Variants in GALNTL6 observed in about 807,000 individuals in gnomAD.
GALNTL6 encodes polypeptide N-acetylgalactosaminyltransferase like 6.
A neutral mutation model predicts 73.7 loss-of-function variants in GALNTL6; 46 were observed. The ratio of observed to expected loss-of-function variants is 0.62; its 90% CI spans 0.49 to 0.80. The LOEUF is 0.80. GALNTL6 is among the 30% of genes least tolerant of loss of function. GALNTL6 has a pLI of 0.00. For synonymous variants in GALNTL6, 259 were observed against 263.7 expected (o/e 0.98, Z 0.17); for missense variants, 604 against 755.0 (o/e 0.80, Z 2.34).
intron 5 of GALNTL6, among the ~76,000 whole-genome samples, chr4:172,364,674 C>T (rs1742492364): frequency 6.6e-6 from 1 of 152,106 alleles, no homozygotes; most frequent in Admixed American, 6.6e-5. Flanking sequence ...CTATTTGATC[C>T]ATTGTCATTT....
chr4:172,542,992 G>A (rs1056858850), intron 5 of GALNTL6, among the ~76,000 whole-genome samples: 1 of 152,114 alleles, frequency 6.6e-6, no homozygotes, highest in Non-Finnish European at 1.5e-5. Flanking sequence ...AGCTACTCGG[G>A]AGGCTGAGAC....
intron 9 of GALNTL6, among the ~76,000 whole-genome samples, chr4:172,943,445 CTG>C (rs1345447776): frequency 6.6e-6 from 1 of 152,192 alleles, no homozygotes; most frequent in Admixed American, 6.5e-5. Context: ...CCCACAGAAA[CTG>C]TGAAGGATAA....
chr4:172,248,587 A>G (rs985041558), intron 3 of GALNTL6, among the ~76,000 whole-genome samples: 3 of 152,316 alleles, frequency 2.0e-5, no homozygotes, highest in East Asian at 1.9e-4. Flanking sequence ...TGGTTCTAAT[A>G]GTAAGCCACT....
intron 2 of GALNTL6, among the ~76,000 whole-genome samples, chr4:171,861,506 A>G (rs17057511): frequency 6.6e-6 from 1 of 152,108 alleles, no homozygotes; most frequent in Non-Finnish European, 1.5e-5. Context: ...ACACTTTTGA[A>G]ACTCAGTGCA....
chr4:172,873,460 G>C (rs1745044737), intron 7 of GALNTL6, among the ~76,000 whole-genome samples: 2 of 152,180 alleles, frequency 1.3e-5, no homozygotes, highest in Admixed American at 1.3e-4. Context: ...CTATGGGTCA[G>C]AGCACCCACA....
At chr4:172,604,183 A>G (rs35345571) in intron 5 of GALNTL6, among the ~76,000 whole-genome samples, 4,735 of 152,254 alleles carry the variant, frequency 0.031, 114 homozygotes, top group South Asian at 0.086. Flanking sequence ...GAGAAGATCG[A>G]TGGGAGATAG....
intron 2 of GALNTL6, among the ~76,000 whole-genome samples, chr4:172,087,884 T>A (rs72988342): frequency 0.05 from 7,595 of 152,220 alleles, 587 homozygotes; most frequent in African/African-American, 0.17. Context: ...ATAAATTAGT[T>A]ATTAGTTAAT....
chr4:172,648,265 T>G (rs575859684), intron 5 of GALNTL6, among the ~76,000 whole-genome samples: 1 of 152,274 alleles, frequency 6.6e-6, no homozygotes, highest in South Asian at 2.1e-4. Context: ...TGGCCAGGCT[T>G]CAGAAATACA....
chr4:172,013,741 T>C (rs954011305), intron 2 of GALNTL6, among the ~76,000 whole-genome samples: 2 of 152,062 alleles, frequency 1.3e-5, no homozygotes, highest in African/African-American at 4.8e-5. Flanking sequence ...TTTATAAATG[T>C]AAAACTAAAT....
At chr4:172,093,288 T>C (rs923820355) in intron 2 of GALNTL6, among the ~76,000 whole-genome samples, 8 of 152,196 alleles carry the variant, frequency 5.3e-5, no homozygotes, top group African/African-American at 1.7e-4. Context: ...TTAATTCTTT[T>C]TCCCCCTACT....
Position 172,119,316 on chromosome 4 carries a change from T to C in GALNTL6, c.139-110340T>C, listed in dbSNP as rs114102067. 6.3e-3 allele frequency among the ~76,000 whole-genome samples: 959 copies of C among 152,272 alleles called. 12 individuals carry two copies. Among genetic ancestry groups the C allele is most frequent in the African/African-American group, 0.021 (873 of 41,552 alleles). ...CAGATTTATTTCAGTGCACTAATCA[T>C]AGTAACAGAAATGCCACTTATTCTA... On this transcript the variant is annotated intron_variant, in intron 2 of 12. Transcript: ENST00000506823.
Position 172,114,323 on chromosome 4 carries a change from A to C in GALNTL6, c.139-115333A>C, listed in dbSNP as rs140498363. 8.2e-3 allele frequency among the ~76,000 whole-genome samples: 1,241 copies of C among 152,186 alleles called. 20 individuals are homozygous for C. The highest frequency in any genetic ancestry group is 0.028 in the African/African-American group (1,174 of 41,542). On this transcript the variant is annotated intron_variant, in intron 2 of 12. Coordinates refer to ENST00000506823, the MANE Select transcript of GALNTL6 (RefSeq NM_001034845.3). Reference sequence around the variant, plus strand: ...ATGGTCAGGGCTCTTCTGGAGAAAGAAAAATTGGGAGTCAATTTGGAAATA... The same window carrying C: ...ATGGTCAGGGCTCTTCTGGAGAAAGCAAAATTGGGAGTCAATTTGGAAATA...
intron 5 of GALNTL6, among the ~76,000 whole-genome samples, chr4:172,774,313 T>G (rs1225048152): frequency 2.0e-5 from 3 of 152,204 alleles, no homozygotes; most frequent in African/African-American, 7.2e-5. Flanking sequence ...GCACTGAAGC[T>G]TCACTGCCTT....
intron 2 of GALNTL6, among the ~76,000 whole-genome samples, chr4:172,140,493 G>A (rs969630955): frequency 1.3e-5 from 2 of 151,874 alleles, no homozygotes; most frequent in African/African-American, 2.4e-5. Flanking sequence ...AAATATCAGC[G>A]CATTTAATCC....
At chr4:172,758,618 C>T (rs1375656786) in intron 5 of GALNTL6, among the ~76,000 whole-genome samples, 1 of 152,168 alleles carries the variant, frequency 6.6e-6, no homozygotes, top group African/African-American at 2.4e-5. Context: ...GCTGAAGTAG[C>T]TCCTCTTTAT....
chr4:171,963,273 G>A (rs1307903707), intron 2 of GALNTL6, among the ~76,000 whole-genome samples: 2 of 152,038 alleles, frequency 1.3e-5, no homozygotes, highest in East Asian at 3.9e-4. Context: ...GTAGCTAGGA[G>A]TACACCCAGG....
At chr4:172,190,849 C>T (rs1735556483) in intron 2 of GALNTL6, among the ~76,000 whole-genome samples, 2 of 152,230 alleles carry the variant, frequency 1.3e-5, no homozygotes, top group Admixed American at 6.5e-5. Flanking sequence ...TGTCACTGTA[C>T]TGCAACTGTT....
intron 5 of GALNTL6, among the ~76,000 whole-genome samples, chr4:172,801,228 C>A (rs1314523821): frequency 6.6e-6 from 1 of 152,130 alleles, no homozygotes; most frequent in Non-Finnish European, 1.5e-5. Context: ...AGCTTCATTG[C>A]AGATATGCTA....
At chr4:172,702,276 T>C (rs184121894) in intron 5 of GALNTL6, among the ~76,000 whole-genome samples, 1 of 152,232 alleles carries the variant, frequency 6.6e-6, no homozygotes, top group East Asian at 1.9e-4. Context: ...ATTTTGTTTA[T>C]ACATTATTTT....
Sources: gnomAD v4.1 joint callset for allele counts (sites outside exome capture counted in the v4.1 genomes callset) on GRCh38, gnomAD v4.1.1 for gene constraint, MANE v1.5 for transcripts, NCBI Gene and HGNC (gene_info 2026-07-23, HGNC 2026-07-21) for gene names.